Variants in ZNF140 observed in about 807,000 individuals in gnomAD.
The protein encoded by ZNF140 is zinc finger protein 140.
Under a neutral mutation model 12.9 loss-of-function variants are expected in ZNF140, and 13 were observed. The ratio of observed to expected loss-of-function variants is 1.01; its 90% CI spans 0.66 to 1.60. The LOEUF (loss-of-function observed/expected upper bound fraction) is 1.60. Among genes scored for constraint, ZNF140 ranks in the 40% most tolerant of loss-of-function variants. The pLI is 0.00. For missense variants in ZNF140, 531 were observed against 548.8 expected (o/e 0.97, Z 0.32); for synonymous variants, 214 against 186.7 (o/e 1.15, Z -1.19).
Position 133,106,362 on chromosome 12 carries a change from G to A in ZNF140, c.1085G>A (p.Cys362Tyr). ...AGEKLYECDECGKVFTWHASL... is the reference protein window; with the variant it reads ...AGEKLYECDEYGKVFTWHASL... Reference sequence around the variant, plus strand: ...GAAAAGCTCTATGAATGTGATGAATGTGGTAAAGTTTTCACTTGGCATGCA... The same window carrying A: ...GAAAAGCTCTATGAATGTGATGAATATGGTAAAGTTTTCACTTGGCATGCA... Residue 362 changes from cysteine (C) to tyrosine (Y), a missense_variant, in exon 5 of 5, where the codon TGT (cysteine) becomes TAT (tyrosine). Cys to Tyr is a radical substitution (Grantham distance 194, BLOSUM62 -2). Transcript: ENST00000355557. 1 of 1,614,158 alleles carries A rather than the reference G, an allele frequency of 6.2e-7. No homozygotes were observed.
At chr12:133,081,366 T>TATATAA (rs1226898874) in intron 2 of ZNF140, 37 bp downstream of exon 2, 4 of 267,570 alleles carry the variant, frequency 1.5e-5, no homozygotes, top group Non-Finnish European at 2.5e-5. Context: ...TATATATATA[T>TATATAA]ATATAAATTT....
At chr12:133,088,803 T>C (rs1053065687) in intron 4 of ZNF140, among the ~76,000 whole-genome samples, 3 of 151,626 alleles carry the variant, frequency 2.0e-5, no homozygotes, top group Admixed American at 2.0e-4. Context: ...TTATTGCTTC[T>C]ATTGATATTA....
Position 133,106,145 on chromosome 12 carries a change from C to T in ZNF140, c.868C>T (p.Arg290Cys), listed in dbSNP as rs200755363. The change falls in exon 5 of 5, where the codon CGC becomes TGC. Residue 290 changes from arginine to cysteine, a missense_variant. Coordinates refer to ENST00000355557, the MANE Select transcript of ZNF140 (RefSeq NM_003440.4). Reference protein sequence around the residue: ...KAFSSGSELIRHQITHTGEKP... With the variant: ...KAFSSGSELICHQITHTGEKP... ...ATTTAGCAGTGGCTCAGAACTCATTCGCCACCAGATTACACATACTGGAGA... is the reference window on the plus strand; with the variant it reads ...ATTTAGCAGTGGCTCAGAACTCATTTGCCACCAGATTACACATACTGGAGA... 86 of 1,613,944 alleles carry T rather than the reference C, an allele frequency of 5.3e-5. No individual in the cohort carries two copies. Among genetic ancestry groups the T allele is most frequent in the Admixed American group, 3.8e-4 (23 of 59,986 alleles).
intron 4 of ZNF140, among the ~76,000 whole-genome samples, chr12:133,105,296 C>T (rs201094196): frequency 0.012 from 1,824 of 152,260 alleles, 24 homozygotes; most frequent in Non-Finnish European, 0.018. Context: ...CAATTACTTA[C>T]GTTTACACTT....
Position 133,095,181 on chromosome 12 carries a change from T to A in ZNF140, c.233-10329T>A, listed in dbSNP as rs917777858. 1.1e-4 allele frequency among the ~76,000 whole-genome samples: 17 copies of A among 151,332 alleles called. 2 individuals are homozygous for A. The highest frequency in any genetic ancestry group is 9.9e-4 in the Admixed American group (15 of 15,212). On this transcript the variant is annotated intron_variant, in intron 4 of 4. Coordinates refer to ENST00000355557, the MANE Select transcript of ZNF140 (RefSeq NM_003440.4). ...TTTCCCAATCTTTTAAATCTAAAGTTCCCTGTTCTGGAAACCATGGGCAGA... is the reference window on the plus strand; with the variant it reads ...TTTCCCAATCTTTTAAATCTAAAGTACCCTGTTCTGGAAACCATGGGCAGA...
chr12:133,099,769 C>T (rs898665061), intron 4 of ZNF140, among the ~76,000 whole-genome samples: 3 of 152,128 alleles, frequency 2.0e-5, no homozygotes, highest in African/African-American at 7.2e-5. Flanking sequence ...GAGTTTCTGA[C>T]CTGTATCATT....
At chr12:133,105,303 A>G (rs1955551081) in intron 4 of ZNF140, among the ~76,000 whole-genome samples, 2 of 152,168 alleles carry the variant, frequency 1.3e-5, no homozygotes, top group Non-Finnish European at 2.9e-5. Flanking sequence ...TTACGTTTAC[A>G]CTTTCTCTTT....
chr12:133,083,002 G>C (rs1954554334), intron 2 of ZNF140, 101 bp from the exon 3 acceptor site: 1 of 1,572,040 alleles, frequency 6.4e-7, no homozygotes, highest in African/African-American at 1.3e-5. Flanking sequence ...TTACTACTTA[G>C]ACACATTGCC....
Position 133,105,724 on chromosome 12 carries a change from T to C in ZNF140, c.447T>C (p.Ala149=). The change falls in exon 5 of 5, where the codon GCT becomes GCC. Residue 149 remains alanine, a synonymous_variant. Coordinates refer to ENST00000355557, the MANE Select transcript of ZNF140 (RefSeq NM_003440.4). ...CAGTCTCTCATCAAGAAGCCCTGGC[T>C]CAACATATGAATATCAGTACTGTGG... The part of the protein sequence containing the change: ...KVTVSHQEAL[A]QHMNISTVER... The C allele has an allele frequency of 6.2e-7, 1 of 1,614,190 alleles. No homozygotes were observed. The highest frequency in any genetic ancestry group is 8.5e-7 in the Non-Finnish European group (1 of 1,180,044).
chr12:133,081,396 GAGAC>G (rs1353499162), intron 2 of ZNF140, 67 bp downstream of exon 2: 5 of 166,960 alleles, frequency 3.0e-5, no homozygotes, highest in Admixed American at 2.8e-4. Flanking sequence ...TTTTAAGAGA[GAGAC>G]AGGGTCTCCT....
intron 4 of ZNF140, among the ~76,000 whole-genome samples, chr12:133,091,065 G>A (rs903275319): frequency 1.3e-5 from 2 of 148,972 alleles, no homozygotes; most frequent in Non-Finnish European, 1.5e-5. Context: ...TATCTCAACT[G>A]CAAGAGGCTT....
chr12:133,086,142 T>G (rs1954669148), intron 4 of ZNF140, among the ~76,000 whole-genome samples: 1 of 152,246 alleles, frequency 6.6e-6, no homozygotes, highest in African/African-American at 2.4e-5. Context: ...CATTTAGAGA[T>G]ACTGCAAGCA....
At chr12:133,095,501 T>G (rs910885623) in intron 4 of ZNF140, among the ~76,000 whole-genome samples, 1 of 150,920 alleles carries the variant, frequency 6.6e-6, no homozygotes, top group Non-Finnish European at 1.5e-5. Context: ...TCCACACCTG[T>G]GGGTATTTCT....
At chr12:133,081,231 T>A in intron 1 of ZNF140, 42 bp from the exon 2 acceptor site, 1 of 1,059,580 alleles carries the variant, frequency 9.4e-7, no homozygotes. Flanking sequence ...GGGCGCGGCC[T>A]AGCTGGCCTG....
At position 133,081,266 on chromosome 12, in the gene ZNF140, C is replaced by G; in HGVS notation, c.-48-7C>G. The G allele has an allele frequency of 1.3e-6, 2 of 1,523,260 alleles. No homozygotes were observed. Among genetic ancestry groups the G allele is most frequent in the Non-Finnish European group, 1.8e-6 (2 of 1,119,266 alleles). The allele number at this position is 1,523,260 out of a possible 1,614,324, so 94.4% of individuals were successfully genotyped here. On this transcript the variant is annotated splice_polypyrimidine_tract_variant and splice_region_variant and intron_variant, in intron 1 of 4. Coordinates refer to ENST00000355557, the MANE Select transcript of ZNF140 (RefSeq NM_003440.4). ...GTTCGCTCAGGGCTCCTTTCTCTCT[C>G]TGCCAGGTCTGCCATTTTACACTTT... is the stretch of plus-strand genomic sequence containing the variant.
chr12:133,097,818 C>CCTGTGTGTGTGTGTGTGT (rs1377287336), intron 4 of ZNF140, among the ~76,000 whole-genome samples: 1 of 106,498 alleles, frequency 9.4e-6, no homozygotes, highest in African/African-American at 3.8e-5. Flanking sequence ...CACATCTAAC[C>CCTGTGTGTGTGTGTGTGT]ATGTGTGTGT....
At chr12:133,095,664 T>G (rs369626599) in intron 4 of ZNF140, among the ~76,000 whole-genome samples, 64 of 151,808 alleles carry the variant, frequency 4.2e-4, no homozygotes, top group African/African-American at 1.2e-3. Context: ...TTATTTTCAT[T>G]ATTTCAGCAA....
intron 4 of ZNF140, among the ~76,000 whole-genome samples, chr12:133,098,906 CAG>C (rs555608153): frequency 3.8e-3 from 576 of 152,014 alleles, no homozygotes; most frequent in Non-Finnish European, 5.6e-3. Flanking sequence ...ATTTTTGAGA[CAG>C]AGTCTTGCTC....
intron 4 of ZNF140, among the ~76,000 whole-genome samples, chr12:133,103,691 C>A (rs924037641): frequency 6.6e-6 from 1 of 152,018 alleles, no homozygotes; most frequent in African/African-American, 2.4e-5. Flanking sequence ...ATTTTTAAAT[C>A]TTATCTCTGG....
Sources: allele counts gnomAD v4.1 joint callset (sites outside exome capture counted in the v4.1 genomes callset), GRCh38; gene constraint gnomAD v4.1.1; transcripts MANE v1.5; gene names NCBI Gene and HGNC (gene_info 2026-07-23, HGNC 2026-07-21).